SV2C: variants seen among roughly 807,000 people sequenced by gnomAD.
SV2C encodes the protein solute carrier family 22 member B3.
Under a neutral mutation model 79.7 loss-of-function variants are expected in SV2C, and 49 were observed. The observed-to-expected ratio is 0.61, with a 90% confidence interval of 0.49 to 0.78. The LOEUF is 0.78. Ranked by LOEUF, SV2C falls within the 30% of genes least tolerant of loss-of-function variation. The pLI, the probability that SV2C is intolerant of heterozygous loss-of-function variation, is 0.00. For missense variants in SV2C, 833 were observed against 912.9 expected, an observed-to-expected ratio of 0.91 and a Z score of 1.13; for synonymous variants, 334 against 333.2, an observed-to-expected ratio of 1.00 and a Z score of -0.03.
intron 2 of SV2C, among the ~76,000 whole-genome samples, chr5:76,138,719 C>T (rs1237232009): frequency 1.3e-5 from 2 of 152,280 alleles, no homozygotes; most frequent in East Asian, 3.9e-4. Flanking sequence ...GTGTGTGGTA[C>T]ATAATAGGAT....
At chr5:76,202,015 C>CAA (rs373279209) in intron 3 of SV2C, among the ~76,000 whole-genome samples, 2,950 of 81,712 alleles carry the variant, frequency 0.036, 182 homozygotes, top group East Asian at 0.22. Flanking sequence ...GACTCCATCT[C>CAA]AAAAAAAAAA....
chr5:76,288,742 T>G (rs184646006), intron 6 of SV2C, among the ~76,000 whole-genome samples: 4 of 152,346 alleles, frequency 2.6e-5, no homozygotes, highest in African/African-American at 9.6e-5. Context: ...CAAAAGTGAT[T>G]GATAATTTCA....
intron 3 of SV2C, among the ~76,000 whole-genome samples, chr5:76,200,024 T>A (rs6453209): frequency 0.64 from 96,783 of 152,162 alleles, 31,684 homozygotes; most frequent in East Asian, 0.92. Context: ...AAATAATCAG[T>A]CTTCTCAGGG....
At chr5:76,074,207 T>C in the SV2C span, among the ~76,000 whole-genome samples, 1 of 152,178 alleles carries the variant, frequency 6.6e-6, no homozygotes. Flanking sequence ...AGCAGGTAAA[T>C]TGTGCTTCTT....
intron 4 of SV2C, among the ~76,000 whole-genome samples, chr5:76,245,457 G>A (rs371879742): frequency 7.9e-5 from 12 of 152,154 alleles, no homozygotes; most frequent in East Asian, 1.9e-4. Flanking sequence ...AAGAAAACAC[G>A]ATCAGACTTA....
intron 12 of SV2C, among the ~76,000 whole-genome samples, chr5:76,305,526 TA>T (rs1408930559): frequency 3.3e-5 from 5 of 152,340 alleles, no homozygotes; most frequent in Non-Finnish European, 5.9e-5. Context: ...GTGTCTCTGC[TA>T]AATCTGCATA....
At chr5:76,079,919 A>G (rs1746957849), upstream of SV2C, among the ~76,000 whole-genome samples, 1 of 152,116 alleles carries the variant, frequency 6.6e-6, no homozygotes. Context: ...GCAAATGGCA[A>G]ATGTATATTT....
At chr5:76,242,250 T>C (rs1194401403) in intron 4 of SV2C, 10 of 1,081,658 alleles carry the variant, frequency 9.2e-6, no homozygotes, top group South Asian at 3.7e-5. Flanking sequence ...TCCTTCACCT[T>C]GGCTTTATCT....
the SV2C span, among the ~76,000 whole-genome samples, chr5:76,051,119 A>C: frequency 6.6e-6 from 1 of 152,238 alleles, no homozygotes; most frequent in South Asian, 2.1e-4. Flanking sequence ...ACATTAACAA[A>C]AATGTAGACC....
the SV2C span, among the ~76,000 whole-genome samples, chr5:76,019,324 A>G: frequency 2.1e-3 from 316 of 152,262 alleles, no homozygotes; most frequent in Non-Finnish European, 3.8e-3. Context: ...TGAGGGCAGA[A>G]ACCAGAATTC....
At chr5:75,945,339 C>G in the SV2C span, among the ~76,000 whole-genome samples, 7 of 151,266 alleles carry the variant, frequency 4.6e-5, no homozygotes, top group Admixed American at 1.3e-4. Flanking sequence ...TTTTTTGACA[C>G]AGAGTCTCAC....
At chr5:76,223,446 T>TACATAC (rs1315112108) in intron 4 of SV2C, among the ~76,000 whole-genome samples, 1 of 9,554 alleles carries the variant, frequency 1.0e-4, no homozygotes, top group South Asian at 3.3e-3. Context: ...CATACATACA[T>TACATAC]ATATATATAT....
intron 4 of SV2C, among the ~76,000 whole-genome samples, chr5:76,261,815 C>A (rs191906434): frequency 1.3e-5 from 2 of 152,136 alleles, no homozygotes; most frequent in Non-Finnish European, 2.9e-5. Context: ...GATGGATAAG[C>A]CTTTTCATGT....
chr5:76,063,471 A>G, the SV2C span, among the ~76,000 whole-genome samples: 30 of 152,258 alleles, frequency 2.0e-4, no homozygotes, highest in South Asian at 2.1e-3. Context: ...GAAGGCAGCA[A>G]TGCTGAAGGG....
At chr5:76,190,783 A>T (rs191049348) in intron 2 of SV2C, among the ~76,000 whole-genome samples, 71 of 152,336 alleles carry the variant, frequency 4.7e-4, no homozygotes, top group Non-Finnish European at 7.3e-5. Flanking sequence ...CATCTAAAAA[A>T]ATGAAGCATT....
At chr5:76,352,921 C>A (rs1749669522) in intron 12 of SV2C, among the ~76,000 whole-genome samples, 1 of 146,946 alleles carries the variant, frequency 6.8e-6, no homozygotes, top group Non-Finnish European at 1.5e-5. Flanking sequence ...TATTGAAATT[C>A]TTTTTTTTAT....
chr5:76,045,625 A>G, the SV2C span, among the ~76,000 whole-genome samples: 1 of 152,232 alleles, frequency 6.6e-6, no homozygotes, highest in Non-Finnish European at 1.5e-5. Context: ...TTAATCTATT[A>G]TGATCCAGAA....
chr5:76,153,642 G>T (rs182512699), intron 2 of SV2C, among the ~76,000 whole-genome samples: 92 of 152,280 alleles, frequency 6.0e-4, no homozygotes, highest in African/African-American at 2.1e-3. Flanking sequence ...CTATACCAAG[G>T]AGATTCAAAA....
chr5:76,206,821 TCCC>T (rs1744621880), intron 3 of SV2C, among the ~76,000 whole-genome samples: 1 of 152,204 alleles, frequency 6.6e-6, no homozygotes, highest in South Asian at 2.1e-4. Flanking sequence ...AGTAATTTTT[TCCC>T]CAAAATATAT....
Sources: allele counts gnomAD v4.1 joint callset (sites outside exome capture counted in the v4.1 genomes callset), GRCh38; gene constraint gnomAD v4.1.1; transcripts MANE v1.5; gene names NCBI Gene and HGNC (gene_info 2026-07-23, HGNC 2026-07-21).